The following METTL8 variants were observed in gnomAD, a reference collection of about 807,000 sequenced individuals.
METTL8 encodes methyltransferase 8, tRNA N3-cytidine.
A neutral mutation model predicts 48.7 loss-of-function variants in METTL8; 32 were observed. That is an observed-to-expected ratio of 0.66 (90% CI 0.50 to 0.88). The LOEUF (loss-of-function observed/expected upper bound fraction) is 0.88. METTL8 is among the 40% of genes least tolerant of loss of function. METTL8 has a pLI of 0.00. For synonymous variants in METTL8, 136 were observed against 157.1 expected (o/e 0.87, Z 1.01); for missense variants, 464 against 474.4 (o/e 0.98, Z 0.20).
intron 2 of METTL8, among the ~76,000 whole-genome samples, chr2:171,379,897 T>C (rs192963172): frequency 6.6e-6 from 1 of 152,198 alleles, no homozygotes; most frequent in Non-Finnish European, 1.5e-5. Context: ...AACTCATTTT[T>C]TGAGCCAGCA....
rs764438364 is a variant in METTL8 at position 171,339,415 on chromosome 2, C to T, written c.375G>A (p.Ala125=). ...LPVDQKPEEK[A]RESSWDHVKT... ...TTACATGATCCCATGATGATTCTCT[C>T]GCCTTCTCTTCAGGTTTTTGATCAA... Residue 125 remains alanine (A), a synonymous_variant, in exon 4 of 10, where the codon GCG becomes GCA. Transcript: ENST00000375258. The T allele has an allele frequency of 1.1e-5, 18 of 1,613,418 alleles. No homozygotes were observed. In the East Asian group the frequency reaches 2.0e-4, roughly 18 times the overall value.
rs188347731 is a variant in METTL8, at chr2:171,335,281, G to C, written c.656+2172C>G. Among the ~76,000 whole-genome samples, 261 of 152,248 alleles carry C rather than the reference G, an allele frequency of 1.7e-3. 4 individuals carry two copies. The Middle Eastern group carries it at 0.068, about 40-fold the overall frequency. On this transcript the variant is annotated intron_variant, in intron 5 of 9. Coordinates refer to ENST00000375258, the MANE Select transcript of METTL8 (RefSeq NM_001321154.2). ...ATGTTAGGTTTATAATAATATTAGA[G>C]AGTATACTGAGTTTTGGGAGATATA...
chr2:171,428,814 G>C (rs1057216616), intron 1 of METTL8, among the ~76,000 whole-genome samples: 1 of 152,154 alleles, frequency 6.6e-6, no homozygotes, highest in Non-Finnish European at 1.5e-5. Context: ...CTGATAAGAG[G>C]AGAGGAAAGG....
chr2:171,341,307 C>T lies in METTL8; in HGVS notation c.236-1753G>A, dbSNP rs1225137408. 2.0e-5 allele frequency among the ~76,000 whole-genome samples: 3 copies of T among 146,956 alleles called. No individual in the cohort carries two copies. The East Asian group carries it at 5.9e-4, about 29-fold the overall frequency. On this transcript the variant is annotated intron_variant, in intron 3 of 9. Coordinates refer to ENST00000375258, the MANE Select transcript of METTL8 (RefSeq NM_001321154.2). ...CACGCCATTGCACTCCAGCCTGGGCCATAGAGCAAGACTCCGTCTCAAAAA... is the reference window on the plus strand; with the variant it reads ...CACGCCATTGCACTCCAGCCTGGGCTATAGAGCAAGACTCCGTCTCAAAAA...
At chr2:171,345,308 T>G (rs936340015) in intron 3 of METTL8, among the ~76,000 whole-genome samples, 8 of 152,108 alleles carry the variant, frequency 5.3e-5, no homozygotes, top group Non-Finnish European at 1.0e-4. Context: ...ATTAAACCAT[T>G]TATGTATGAC....
At chr2:171,371,358 T>C (rs1183416534) in intron 2 of METTL8, among the ~76,000 whole-genome samples, 1 of 152,136 alleles carries the variant, frequency 6.6e-6, no homozygotes, top group Non-Finnish European at 1.5e-5. Context: ...TCATTTTTCA[T>C]TATTAATTTA....
At chr2:171,392,843 T>C (rs1406430195) in intron 1 of METTL8, among the ~76,000 whole-genome samples, 1 of 151,702 alleles carries the variant, frequency 6.6e-6, no homozygotes, top group Admixed American at 6.6e-5. Flanking sequence ...ATGCCTGTAA[T>C]CCCAGCACTT....
chr2:171,357,300 C>A (rs577527289), intron 3 of METTL8, among the ~76,000 whole-genome samples: 87 of 152,010 alleles, frequency 5.7e-4, no homozygotes, highest in African/African-American at 2.0e-3. Flanking sequence ...AAGACTCCAC[C>A]AAAAAACTGT....
chr2:171,384,075 G>A (rs1687820822), intron 2 of METTL8, among the ~76,000 whole-genome samples: 1 of 152,188 alleles, frequency 6.6e-6, no homozygotes, highest in Non-Finnish European at 1.5e-5. Flanking sequence ...CAACTGTGAT[G>A]TATACAAACA....
intron 3 of METTL8, among the ~76,000 whole-genome samples, chr2:171,355,984 C>T (rs1467849555): frequency 6.6e-6 from 1 of 152,182 alleles, no homozygotes; most frequent in African/African-American, 2.4e-5. Context: ...CCTGCACCCA[C>T]TGTCCGACAA....
At chr2:171,328,097 A>C (rs1319760702) in intron 7 of METTL8, among the ~76,000 whole-genome samples, 2 of 152,140 alleles carry the variant, frequency 1.3e-5, no homozygotes, top group East Asian at 3.9e-4. Flanking sequence ...AATTCCTGAG[A>C]ACTGCAGGTG....
chr2:171,391,774 CA>C (rs1688601832), intron 2 of METTL8, among the ~76,000 whole-genome samples: 1 of 152,086 alleles, frequency 6.6e-6, no homozygotes, highest in African/African-American at 2.4e-5. Flanking sequence ...TGACAGCAGG[CA>C]AATCAGGATC....
At chr2:171,324,803 T>G (rs865852644) in intron 9 of METTL8, among the ~76,000 whole-genome samples, 1 of 152,190 alleles carries the variant, frequency 6.6e-6, no homozygotes, top group Non-Finnish European at 1.5e-5. Context: ...GGCTCACGCC[T>G]GTAATCCCAG....
chr2:171,423,168 T>C (rs888395642), intron 1 of METTL8, among the ~76,000 whole-genome samples: 4 of 152,196 alleles, frequency 2.6e-5, no homozygotes, highest in Admixed American at 6.5e-5. Context: ...TCTGCCATGA[T>C]TGTAAGTCTC....
At chr2:171,370,358 G>A (rs145733582) in intron 2 of METTL8, among the ~76,000 whole-genome samples, 2,609 of 152,078 alleles carry the variant, frequency 0.017, 83 homozygotes, top group Admixed American at 0.074. Context: ...TATGTACATT[G>A]TTCATTTATC....
chr2:171,357,926 G>A (rs1454946828), intron 3 of METTL8, among the ~76,000 whole-genome samples: 1 of 152,004 alleles, frequency 6.6e-6, no homozygotes, highest in African/African-American at 2.4e-5. Context: ...GAACTCCTGG[G>A]CTCAAGCAAT....
chr2:171,330,156 A>T (rs1388935923), intron 7 of METTL8, among the ~76,000 whole-genome samples: 1 of 152,226 alleles, frequency 6.6e-6, no homozygotes, highest in Non-Finnish European at 1.5e-5. Context: ...GTGTGAAGCC[A>T]AACAGATCCC....
chr2:171,369,458 T>C (rs1271491313), intron 2 of METTL8, among the ~76,000 whole-genome samples: 1 of 152,238 alleles, frequency 6.6e-6, no homozygotes, highest in Non-Finnish European at 1.5e-5. Context: ...TTTAGAGCAA[T>C]GCCACTCTTT....
At chr2:171,378,308 T>A (rs1360439370) in intron 2 of METTL8, among the ~76,000 whole-genome samples, 1 of 152,178 alleles carries the variant, frequency 6.6e-6, no homozygotes, top group Non-Finnish European at 1.5e-5. Flanking sequence ...CAAGACAGAC[T>A]TTAAACCAAC....
Sources: allele counts gnomAD v4.1 joint callset (sites outside exome capture counted in the v4.1 genomes callset), GRCh38; gene constraint gnomAD v4.1.1; transcripts MANE v1.5; gene names NCBI Gene and HGNC (gene_info 2026-07-23, HGNC 2026-07-21).